SMAD5: variants seen among roughly 807,000 people sequenced by gnomAD.
The protein encoded by SMAD5 is SMAD family member 5.
A neutral mutation model predicts 43.1 loss-of-function variants in SMAD5; 9 were observed. The ratio of observed to expected loss-of-function variants is 0.21; its 90% CI spans 0.13 to 0.36. The LOEUF is 0.36. Among genes scored for constraint, SMAD5 ranks in the 10% least tolerant of loss-of-function variants. The pLI, the probability that SMAD5 is intolerant of heterozygous loss-of-function variation, is 1.00. For synonymous variants in SMAD5, 190 were observed against 192.4 expected (o/e 0.99, Z 0.10); for missense variants, 348 against 574.0 (o/e 0.61, Z 4.02).
Position 136,149,761 on chromosome 5 carries a change from A to G in SMAD5, c.-170+1855A>G, listed in dbSNP as rs2149765940. Among the ~76,000 whole-genome samples the G allele has an allele frequency of 2.0e-5, 3 of 152,054 alleles. No homozygotes were observed. The Middle Eastern group carries it at 0.01, about 517-fold the overall frequency. On this transcript the variant is annotated intron_variant, in intron 2 of 7. Coordinates refer to ENST00000545279, the MANE Select transcript of SMAD5 (RefSeq NM_005903.7). ...CACATACCACTTTACCAGTTTGGGAAGTATAGAAAACATTTTTAGAAATAA... is the reference window on the plus strand; with the variant it reads ...CACATACCACTTTACCAGTTTGGGAGGTATAGAAAACATTTTTAGAAATAA...
chr5:136,160,262 T>G (rs901181395), intron 3 of SMAD5, among the ~76,000 whole-genome samples: 6 of 152,136 alleles, frequency 3.9e-5, no homozygotes, highest in African/African-American at 1.4e-4. Flanking sequence ...AAACATGAGA[T>G]CTTTCAAACT....
At chr5:136,156,273 T>C (rs903661595) in intron 3 of SMAD5, among the ~76,000 whole-genome samples, 2 of 152,176 alleles carry the variant, frequency 1.3e-5, no homozygotes, top group Non-Finnish European at 2.9e-5. Context: ...TAATCATACA[T>C]ACGCTGTCAC....
chr5:136,167,087 C>T (rs772632710), intron 5 of SMAD5, among the ~76,000 whole-genome samples: 21 of 152,156 alleles, frequency 1.4e-4, no homozygotes, highest in Non-Finnish European at 2.5e-4. Flanking sequence ...AGCAACAATA[C>T]GTCTTCTGCC....
At chr5:136,170,473 G>A (rs1754179336) in intron 5 of SMAD5, among the ~76,000 whole-genome samples, 1 of 151,864 alleles carries the variant, frequency 6.6e-6, no homozygotes, top group South Asian at 2.1e-4. Flanking sequence ...TCATGATCTT[G>A]ATTACTGTAT....
intron 1 of SMAD5, among the ~76,000 whole-genome samples, chr5:136,141,920 T>C (rs1753093805): frequency 6.6e-6 from 1 of 152,156 alleles, no homozygotes; most frequent in Admixed American, 6.5e-5. Context: ...GTTCATAATA[T>C]GGCTGAGGTA....
At position 136,153,695 on chromosome 5, in the gene SMAD5, TG is replaced by T. The variant is rs561053188; in HGVS notation, c.-65del. 8.0e-6 allele frequency: 11 copies of T among 1,370,814 alleles called. No individual in the cohort carries two copies. The African/African-American group carries it at 1.2e-4, about 14-fold the overall frequency. 84.9% of individuals were successfully genotyped at this position (1,370,814 alleles called of 1,614,324 possible). A position where few individuals can be genotyped will look rare whatever the true frequency, so the allele number is the denominator to read the frequency against. ...TAGGACCTGTGTATGACGTTTCACC[TG>T]TGATCTGTTCTTTCGGTAGCCACTG... On this transcript the variant is annotated 5_prime_UTR_variant, in exon 3 of 8. An upstream open reading frame in the 5' UTR gains an earlier in-frame stop. Coordinates refer to ENST00000545279, the MANE Select transcript of SMAD5 (RefSeq NM_005903.7).
intron 1 of SMAD5, among the ~76,000 whole-genome samples, chr5:136,141,433 A>C (rs1396188756): frequency 6.6e-6 from 1 of 152,170 alleles, no homozygotes; most frequent in Non-Finnish European, 1.5e-5. Flanking sequence ...TTGTACTTAC[A>C]TATAGGGGTA....
chr5:136,157,004 C>G (rs1346012664), intron 3 of SMAD5, among the ~76,000 whole-genome samples: 1 of 152,020 alleles, frequency 6.6e-6, no homozygotes, highest in African/African-American at 2.4e-5. Flanking sequence ...CTTCATATTA[C>G]CAGTATTAAT....
At position 136,179,486 on chromosome 5, in the gene SMAD5, C is replaced by T. The variant is rs780374240; in HGVS notation, c.*2006C>T. The T allele has an allele frequency of 3.3e-5, 5 of 151,964 alleles. No individual in the cohort carries two copies. The highest frequency in any genetic ancestry group is 6.6e-5 in the Admixed American group (1 of 15,252). 9.4% of individuals were successfully genotyped at this position (151,964 alleles called of 1,614,324 possible). A position where few individuals can be genotyped will look rare whatever the true frequency, so the allele number is the denominator to read the frequency against. ...TTGTGAAGAAAAAAAAAAGCATTTTCGAGGAAAGAATTATGCAATTTCTTT... is the reference window on the plus strand; with the variant it reads ...TTGTGAAGAAAAAAAAAAGCATTTTTGAGGAAAGAATTATGCAATTTCTTT... On this transcript the variant is annotated 3_prime_UTR_variant, in exon 8 of 8. Coordinates refer to ENST00000545279, the MANE Select transcript of SMAD5 (RefSeq NM_005903.7).
chr5:136,144,801 A>T (rs1753204557), intron 1 of SMAD5, among the ~76,000 whole-genome samples: 1 of 151,814 alleles, frequency 6.6e-6, no homozygotes, highest in South Asian at 2.1e-4. Flanking sequence ...GAGAACTCAG[A>T]AGTAAGCAAG....
At chr5:136,175,885 C>T (rs1203968057) in intron 7 of SMAD5, among the ~76,000 whole-genome samples, 1 of 152,144 alleles carries the variant, frequency 6.6e-6, no homozygotes, top group Non-Finnish European at 1.5e-5. Flanking sequence ...ACCGCCCTCC[C>T]TCCCCAACCC....
intron 5 of SMAD5, among the ~76,000 whole-genome samples, chr5:136,167,008 C>T (rs1031157954): frequency 6.6e-6 from 1 of 152,136 alleles, no homozygotes; most frequent in African/African-American, 2.4e-5. Context: ...GTATTTTCTC[C>T]TTTCTTTTTG....
Position 136,174,391 on chromosome 5 carries a change from A to G in SMAD5, c.1013A>G (p.Tyr338Cys), listed in dbSNP as rs1754334226. The stretch of plus-strand genomic sequence containing the variant: ...TCTTTTTAAGGTGTTCATCTGTACT[A>G]TGTTGGTGGAGAGGTGTATGCGGAA... ...RHIGKGVHLY[Y>C]VGGEVYAECL... Residue 338 changes from tyrosine (Y) to cysteine (C), a missense_variant, in exon 7 of 8, where the codon TAT becomes TGT. Coordinates refer to ENST00000545279, the MANE Select transcript of SMAD5 (RefSeq NM_005903.7). 6 of 1,613,692 alleles carry G rather than the reference A, an allele frequency of 3.7e-6. No individual in the cohort carries two copies. The highest frequency in any genetic ancestry group is 3.3e-5 in the Admixed American group (2 of 59,980).
rs1561653930 is a variant in SMAD5, at chr5:136,165,662, A to ATATT, written c.775+2272_775+2273insATTT. Among the ~76,000 whole-genome samples, 36 of 65,448 alleles carry ATATT rather than the reference A, an allele frequency of 5.5e-4. 6 individuals carry two copies. The highest frequency in any genetic ancestry group is 1.7e-3 in the African/African-American group (31 of 18,342). The allele number at this position is 65,448 out of a possible 152,430, so 42.9% of individuals were successfully genotyped here. A position where few individuals can be genotyped will look rare whatever the true frequency, so the allele number is the denominator to read the frequency against. ...TACTTCATATAAATGGAATCATACA[A>ATATT]TTTTTTTTTTTTTTTTTTTTTTTTT... On this transcript the variant is annotated intron_variant, in intron 5 of 7. Transcript: ENST00000545279.
At chr5:136,166,166 C>CTT (rs760440947) in intron 5 of SMAD5, among the ~76,000 whole-genome samples, 3 of 138,338 alleles carry the variant, frequency 2.2e-5, no homozygotes, top group African/African-American at 5.3e-5. Flanking sequence ...TTTTTTTTAT[C>CTT]TTTTTTTTTT....
At chr5:136,149,800 G>T (rs1194808037) in intron 2 of SMAD5, among the ~76,000 whole-genome samples, 1 of 151,856 alleles carries the variant, frequency 6.6e-6, no homozygotes, top group African/African-American at 2.4e-5. Context: ...CATCAAAAGT[G>T]CTAAGTTTTT....
At position 136,160,772 on chromosome 5, in the gene SMAD5, GAA is replaced by G; in HGVS notation, c.404-83_404-82del. The G allele has an allele frequency of 2.2e-6, 3 of 1,358,460 alleles. No homozygotes were observed. In the South Asian group the frequency reaches 3.9e-5, roughly 17 times the overall value. 84.2% of individuals were successfully genotyped at this position (1,358,460 alleles called of 1,614,324 possible). A position where few individuals can be genotyped will look rare whatever the true frequency, so the allele number is the denominator to read the frequency against. ...TTTTAATAGGTTTACAGTCTTACAT[GAA>G]TCCTTTCTACCAACCCCTTAGTGTG... On this transcript the variant is annotated intron_variant, in intron 3 of 7. Coordinates refer to ENST00000545279, the MANE Select transcript of SMAD5 (RefSeq NM_005903.7).
intron 5 of SMAD5, among the ~76,000 whole-genome samples, chr5:136,163,642 C>T (rs1029083985): frequency 1.3e-5 from 2 of 152,152 alleles, no homozygotes; most frequent in African/African-American, 2.4e-5. Flanking sequence ...ATCCTCAGCT[C>T]CACATACCCT....
Position 136,172,533 on chromosome 5 carries a change from C to A in SMAD5, c.875C>A (p.Thr292Asn). The change falls in exon 6 of 8, where the codon ACT becomes AAT. Residue 292 changes from threonine to asparagine, a missense_variant. Coordinates refer to ENST00000545279, the MANE Select transcript of SMAD5 (RefSeq NM_005903.7). ...RVGEAFHASS[T>N]SVLVDGFTDP... ...GGAGAAGCTTTTCATGCATCTTCTA[C>A]TAGTGTGTTAGTAGATGGATTCACA... 6.2e-7 allele frequency: 1 copy of A among 1,610,590 alleles called. No homozygotes were observed. Among genetic ancestry groups the A allele is most frequent in the South Asian group, 1.1e-5 (1 of 91,040 alleles).
Sources: allele counts gnomAD v4.1 joint callset (sites outside exome capture counted in the v4.1 genomes callset), GRCh38; gene constraint gnomAD v4.1.1; transcripts MANE v1.5; gene names NCBI Gene and HGNC (gene_info 2026-07-23, HGNC 2026-07-21).